The following USP43 variants were observed in gnomAD, a reference collection of about 807,000 sequenced individuals.
The protein encoded by USP43 is ubiquitin specific peptidase 43.
A neutral mutation model predicts 90.7 loss-of-function variants in USP43; 33 were observed. The ratio of observed to expected loss-of-function variants is 0.36; its 90% CI spans 0.28 to 0.49. The LOEUF (loss-of-function observed/expected upper bound fraction) is 0.49, where lower values mean the gene tolerates loss of function less well. Among genes scored for constraint, USP43 ranks in the 20% least tolerant of loss-of-function variants. The probability of loss-of-function intolerance (pLI) is 0.98; values close to 1 mark genes in which losing one functional copy is unlikely to be tolerated. For synonymous variants in USP43, 598 were observed against 615.8 expected (o/e 0.97, Z 0.43); for missense variants, 1,274 against 1,476.4 (o/e 0.86, Z 2.25).
rs57985388 is a variant in USP43, at chr17:9,655,084, GAAAAAAAAAAA to G, written c.505-1303_505-1293del. 3.9e-3 allele frequency among the ~76,000 whole-genome samples: 144 copies of G among 37,360 alleles called. 1 individual carries two copies. The highest frequency in any genetic ancestry group is 9.0e-3 in the African/African-American group (135 of 14,964). 24.5% of individuals were successfully genotyped at this position (37,360 alleles called of 152,430 possible). A position where few individuals can be genotyped will look rare whatever the true frequency, so the allele number is the denominator to read the frequency against. The stretch of plus-strand genomic sequence containing the variant: ...CAAGGGAAAATTAAAAGAAAGAAAG[GAAAAAAAAAAA>G]AAAAAAAAAAAAAAAGCCCAGACTG... On this transcript the variant is annotated intron_variant, in intron 1 of 14. Coordinates refer to ENST00000285199, the MANE Select transcript of USP43 (RefSeq NM_153210.5).
intron 3 of USP43, among the ~76,000 whole-genome samples, chr17:9,671,985 T>C (rs759845850): frequency 2.0e-4 from 31 of 152,168 alleles, no homozygotes; most frequent in Non-Finnish European, 3.2e-4. Context: ...ATTATACTTT[T>C]TCATTCTTTA....
chr17:9,659,656 T>C (rs546634801), intron 2 of USP43, among the ~76,000 whole-genome samples: 1 of 152,302 alleles, frequency 6.6e-6, no homozygotes, highest in South Asian at 2.1e-4. Flanking sequence ...GTGGGATAGA[T>C]AGCCTTTCCA....
chr17:9,716,587 G>T (rs971300157), intron 14 of USP43, among the ~76,000 whole-genome samples: 7 of 152,132 alleles, frequency 4.6e-5, no homozygotes, highest in African/African-American at 1.7e-4. Flanking sequence ...AGAAGAGGGG[G>T]TGCAGGGTGA....
chr17:9,700,179 C>T lies in USP43; in HGVS notation c.1465C>T (p.His489Tyr), dbSNP rs1915489922. The change falls in exon 10 of 15, where the codon CAT (histidine) becomes TAT (tyrosine). Residue 489 changes from histidine to tyrosine, a missense_variant. His to Tyr is a moderately conservative substitution (Grantham distance 83, BLOSUM62 2). Transcript: ENST00000285199. The part of the protein sequence containing the change: ...LCHWAVDRVL[H>Y]LRRPGGPPHV... ...CCCTTGTTCTCTTCTCAGGGTTTTG[C>T]ATCTCAGGAGGCCAGGAGGCCCTCC... The T allele has an allele frequency of 6.2e-7, 1 of 1,604,234 alleles. No individual in the cohort carries two copies.
chr17:9,663,605 CTTTT>C (rs1912800491), intron 2 of USP43, among the ~76,000 whole-genome samples: 1 of 151,112 alleles, frequency 6.6e-6, no homozygotes, highest in Non-Finnish European at 1.5e-5. Context: ...CCCAGACATT[CTTTT>C]TGTTTGTTTG....
intron 14 of USP43, among the ~76,000 whole-genome samples, chr17:9,723,170 G>A (rs1917054652): frequency 6.6e-6 from 1 of 152,128 alleles, no homozygotes; most frequent in Admixed American, 6.5e-5. Flanking sequence ...CAGGCCCCAG[G>A]GTTGCAGGTG....
chr17:9,728,678 G>T lies in USP43; in HGVS notation c.3060G>T (p.Val1020=). 1 of 1,612,752 alleles carries T rather than the reference G, an allele frequency of 6.2e-7. No individual in the cohort carries two copies. Among genetic ancestry groups the T allele is most frequent in the Non-Finnish European group, 8.5e-7 (1 of 1,179,508 alleles). ...RNERAEVSPQ[V]PPVSLVSGGL... ...AGAGGGCAGAGGTCTCTCCACAGGT[G>T]CCCCCCGTCTCCCTGGTGAGTGGCG... Residue 1020 remains valine, a synonymous_variant, in exon 15 of 15, where the codon GTG becomes GTT. Coordinates refer to ENST00000285199, the MANE Select transcript of USP43 (RefSeq NM_153210.5). The surrounding 1 kb of genome is among the most constrained non-coding windows in gnomAD (Gnocchi z 6.2).
At chr17:9,717,035 C>T (rs1916608643) in intron 14 of USP43, among the ~76,000 whole-genome samples, 1 of 151,714 alleles carries the variant, frequency 6.6e-6, no homozygotes, top group Non-Finnish European at 1.5e-5. Context: ...ACTCAGGAGG[C>T]TGAGGCAGGA....
intron 14 of USP43, among the ~76,000 whole-genome samples, chr17:9,718,647 C>G (rs1380719754): frequency 6.6e-6 from 1 of 150,806 alleles, no homozygotes; most frequent in South Asian, 2.1e-4. Flanking sequence ...TTGAGACCAG[C>G]CTGACCAACA....
chr17:9,652,910 A>T (rs1412455644), intron 1 of USP43, among the ~76,000 whole-genome samples: 1 of 152,214 alleles, frequency 6.6e-6, no homozygotes, highest in Non-Finnish European at 1.5e-5. Context: ...CTATAAATAT[A>T]TACATAAAAC....
At chr17:9,718,795 G>A (rs900567745) in intron 14 of USP43, among the ~76,000 whole-genome samples, 4 of 151,826 alleles carry the variant, frequency 2.6e-5, no homozygotes, top group African/African-American at 7.3e-5. Context: ...AGCTGAGATC[G>A]TGCCATTGCA....
intron 9 of USP43, among the ~76,000 whole-genome samples, chr17:9,696,072 T>C (rs1018151230): frequency 6.6e-6 from 1 of 152,102 alleles, no homozygotes; most frequent in African/African-American, 2.4e-5. Context: ...TGCTCAAATA[T>C]TATTGGGTCT....
chr17:9,710,066 C>T lies in USP43; in HGVS notation c.2122C>T (p.Gln708Ter). Residue 708 changes from glutamine to a stop codon, truncating the protein, a stop_gained, in exon 13 of 15, where the codon CAG becomes TAG. Coordinates refer to ENST00000285199, the MANE Select transcript of USP43 (RefSeq NM_153210.5). LOFTEE classifies it high-confidence loss of function. ...CAGAGGGGCTTATATCCTGTTCTAT[C>T]AGAAGCGGAACAGCATCCCTCCCTG... ...NTRGAYILFYQKRNSIPPWSA... is the reference protein window; with the variant it reads ...NTRGAYILFY 1.9e-6 allele frequency: 3 copies of T among 1,561,336 alleles called. No homozygotes were observed. The highest frequency in any genetic ancestry group is 2.6e-6 in the Non-Finnish European group (3 of 1,153,488).
chr17:9,672,557 C>A (rs999191615), intron 3 of USP43, among the ~76,000 whole-genome samples: 2 of 152,006 alleles, frequency 1.3e-5, no homozygotes, highest in African/African-American at 4.8e-5. Context: ...TCCCAATGAC[C>A]CAAGTATATC....
Position 9,729,174 on chromosome 17 carries a change from C to A in USP43, c.*184C>A. The A allele has an allele frequency of 2.1e-6, 1 of 480,840 alleles. No homozygotes were observed. The highest frequency in any genetic ancestry group is 3.4e-6 in the Non-Finnish European group (1 of 296,600). 29.8% of individuals were successfully genotyped at this position (480,840 alleles called of 1,614,324 possible). ...CTTCCAACACCCAAGGTCCATATAA[C>A]CCAAGGTCGAAAACCTTCCTGCATC... On this transcript the variant is annotated 3_prime_UTR_variant, in exon 15 of 15. Transcript: ENST00000285199.
At chr17:9,717,899 C>T (rs773670730) in intron 14 of USP43, among the ~76,000 whole-genome samples, 20 of 151,540 alleles carry the variant, frequency 1.3e-4, no homozygotes, top group Non-Finnish European at 2.4e-4. Context: ...CGGGTTCAAG[C>T]GATTCTCCTG....
intron 1 of USP43, 22 bp from the exon 2 acceptor site, chr17:9,656,381 C>T (rs368122720): frequency 9.3e-6 from 15 of 1,606,576 alleles, no homozygotes; most frequent in East Asian, 6.7e-5. Flanking sequence ...ATTCACCTCT[C>T]GATTTCCTTT....
chr17:9,702,376 G>C (rs1915625711), intron 12 of USP43, among the ~76,000 whole-genome samples: 1 of 152,094 alleles, frequency 6.6e-6, no homozygotes. Flanking sequence ...ACAAACAGAG[G>C]TTAGTTACTG....
intron 1 of USP43, chr17:9,647,625 G>C (rs1438623671): frequency 6.6e-6 from 1 of 152,074 alleles, no homozygotes; most frequent in Admixed American, 6.6e-5. Context: ...CAGGGAGGGA[G>C]GTAATCTTTA....
Sources: allele counts gnomAD v4.1 joint callset (sites outside exome capture counted in the v4.1 genomes callset), GRCh38; gene constraint gnomAD v4.1.1; non-coding constraint Gnocchi (gnomAD v3.1); transcripts MANE v1.5; gene names NCBI Gene and HGNC (gene_info 2026-07-23, HGNC 2026-07-21).